PPM1H: variants seen among roughly 807,000 people sequenced by gnomAD.
PPM1H encodes the protein protein phosphatase, Mg2+/Mn2+ dependent 1H.
PPM1H carries 27 observed loss-of-function variants against 54.9 expected under a neutral mutation model. The observed-to-expected ratio is 0.49, with a 90% CI of 0.36 to 0.68. The LOEUF is 0.68. Ranked by LOEUF, PPM1H falls within the 30% of genes least tolerant of loss-of-function variation. The pLI, the probability that PPM1H is intolerant of heterozygous loss-of-function variation, is 0.00. For missense variants in PPM1H, 596 were observed against 667.8 expected (o/e 0.89, Z 1.19); for synonymous variants, 305 against 270.8 (o/e 1.13, Z -1.24).
chr12:62,732,265 C>A (rs2076325650), intron 5 of PPM1H, among the ~76,000 whole-genome samples: 1 of 152,142 alleles, frequency 6.6e-6, no homozygotes, highest in Non-Finnish European at 1.5e-5. Flanking sequence ...TTCACATTAC[C>A]CAGAGAGCCA....
intron 2 of PPM1H, among the ~76,000 whole-genome samples, chr12:62,831,298 A>G (rs1868353545): frequency 1.3e-5 from 2 of 152,322 alleles, no homozygotes; most frequent in African/African-American, 2.4e-5. Context: ...TGATTTTCCC[A>G]GGAAACATCT....
At chr12:62,858,927 A>G (rs973158118) in intron 1 of PPM1H, among the ~76,000 whole-genome samples, 1 of 152,208 alleles carries the variant, frequency 6.6e-6, no homozygotes, top group South Asian at 2.1e-4. Context: ...AATACAACCT[A>G]AAACCCATTT....
rs1161094944 is a variant in PPM1H, at chr12:62,669,969, C to CTTTTTTTTTTTTTTTTTTTT, written c.1246-2660_1246-2641dup. Reference sequence around the variant, plus strand: ...AAAATAGTGTTTAGAGGATTGATTCCTTTTTTTTTTTTTTTTTTTTTTTTT... The same window carrying CTTTTTTTTTTTTTTTTTTTT: ...AAAATAGTGTTTAGAGGATTGATTCCTTTTTTTTTTTTTTTTTTTTTTTTTTTTTTTTTTTTTTTTTTTTT... On this transcript the variant is annotated intron_variant, in intron 8 of 9. Coordinates refer to ENST00000228705, the MANE Select transcript of PPM1H (RefSeq NM_020700.2). 1.5e-4 allele frequency among the ~76,000 whole-genome samples: 7 copies of CTTTTTTTTTTTTTTTTTTTT among 46,422 alleles called. 2 individuals carry two copies. Among genetic ancestry groups the CTTTTTTTTTTTTTTTTTTTT allele is most frequent in the African/African-American group, 8.0e-4 (7 of 8,774 alleles). The allele number at this position is 46,422 out of a possible 152,430, so 30.5% of individuals were successfully genotyped here.
At chr12:62,852,900 A>T (rs1869248721) in intron 1 of PPM1H, among the ~76,000 whole-genome samples, 2 of 152,264 alleles carry the variant, frequency 1.3e-5, no homozygotes, top group South Asian at 2.1e-4. Flanking sequence ...TCCCAATCTA[A>T]CTAAGCCTTT....
intron 9 of PPM1H, among the ~76,000 whole-genome samples, chr12:62,653,580 C>T (rs1247189356): frequency 4.6e-5 from 7 of 152,060 alleles, no homozygotes; most frequent in South Asian, 2.1e-4. Context: ...TTTGAGGGCC[C>T]GGAGGGAAGG....
chr12:62,914,879 C>A (rs1286126031), intron 1 of PPM1H, among the ~76,000 whole-genome samples: 1 of 152,172 alleles, frequency 6.6e-6, no homozygotes, highest in Admixed American at 6.5e-5. Context: ...CCCAAACAGT[C>A]CCACAATCTA....
chr12:62,755,680 A>T lies in PPM1H; in HGVS notation c.870-18094T>A. 3 of 668,096 alleles carry T rather than the reference A, an allele frequency of 4.5e-6. No individual in the cohort carries two copies. The South Asian group carries it at 5.0e-5, about 11-fold the overall frequency. 41.4% of individuals were successfully genotyped at this position (668,096 alleles called of 1,614,324 possible). On this transcript the variant is annotated intron_variant, in intron 4 of 9. Coordinates refer to ENST00000228705, the MANE Select transcript of PPM1H (RefSeq NM_020700.2). ...TCAAGATCATCAGCATGCCTCCTGT[A>T]TCACCAACTGCTTAGTGCCTCTGGC...
chr12:62,917,511 G>A (rs1405437281), intron 1 of PPM1H, among the ~76,000 whole-genome samples: 2 of 152,074 alleles, frequency 1.3e-5, no homozygotes, highest in African/African-American at 4.8e-5. Context: ...TCTCAAAATG[G>A]ACATTCCAAA....
chr12:62,797,307 G>T (rs915655077), intron 3 of PPM1H, among the ~76,000 whole-genome samples: 3 of 152,180 alleles, frequency 2.0e-5, no homozygotes, highest in African/African-American at 7.2e-5. Flanking sequence ...TAGGTGCAAG[G>T]CTTGGGGAAC....
intron 1 of PPM1H, among the ~76,000 whole-genome samples, chr12:62,918,067 G>A (rs1242131130): frequency 6.6e-6 from 1 of 152,154 alleles, no homozygotes; most frequent in Non-Finnish European, 1.5e-5. Context: ...CTTCTCTTAT[G>A]ACACTTACTC....
chr12:62,851,155 C>A (rs1869172175), intron 1 of PPM1H, among the ~76,000 whole-genome samples: 1 of 152,044 alleles, frequency 6.6e-6, no homozygotes, highest in African/African-American at 2.4e-5. Flanking sequence ...TGAAAGAAAC[C>A]AGCGTTTCTT....
At chr12:62,884,501 C>CAAAAAAAAAAAA (rs6144736) in intron 1 of PPM1H, among the ~76,000 whole-genome samples, 1 of 89,966 alleles carries the variant, frequency 1.1e-5, no homozygotes, top group African/African-American at 4.0e-5. Context: ...AACTCCATAT[C>CAAAAAAAAAAAA]AAAAAAAAAA....
chr12:62,707,453 C>T (rs2076182170), intron 6 of PPM1H, among the ~76,000 whole-genome samples: 2 of 152,172 alleles, frequency 1.3e-5, no homozygotes, highest in African/African-American at 4.8e-5. Flanking sequence ...CTTTGACAGC[C>T]CAGGCTGCCC....
chr12:62,659,914 C>T (rs2075873563), intron 9 of PPM1H, among the ~76,000 whole-genome samples: 1 of 152,192 alleles, frequency 6.6e-6, no homozygotes, highest in Admixed American at 6.5e-5. Flanking sequence ...AGGCTGACCT[C>T]CTTTGGTCAG....
chr12:62,665,309 A>G (rs1006960046), intron 9 of PPM1H, among the ~76,000 whole-genome samples: 4 of 152,172 alleles, frequency 2.6e-5, no homozygotes, highest in Non-Finnish European at 5.9e-5. Flanking sequence ...TCCACCTCCC[A>G]AAGTGCTGGG....
intron 5 of PPM1H, among the ~76,000 whole-genome samples, chr12:62,724,216 T>G (rs948717011): frequency 6.6e-6 from 1 of 152,230 alleles, no homozygotes; most frequent in Non-Finnish European, 1.5e-5. Context: ...TGAAGACATC[T>G]ATGTGACATA....
At chr12:62,922,677 A>G (rs1409038297) in intron 1 of PPM1H, among the ~76,000 whole-genome samples, 1 of 152,200 alleles carries the variant, frequency 6.6e-6, no homozygotes, top group Non-Finnish European at 1.5e-5. Flanking sequence ...AGGAAGCACT[A>G]TGGATTCATG....
At chr12:62,886,088 T>C (rs534705078) in intron 1 of PPM1H, among the ~76,000 whole-genome samples, 1 of 152,344 alleles carries the variant, frequency 6.6e-6, no homozygotes, top group South Asian at 2.1e-4. Flanking sequence ...CAGTCAATAT[T>C]TTTTCAAGTA....
intron 3 of PPM1H, among the ~76,000 whole-genome samples, chr12:62,798,966 C>T (rs2076751241): frequency 6.6e-6 from 1 of 152,174 alleles, no homozygotes; most frequent in Admixed American, 6.5e-5. Flanking sequence ...CTCAAGGCTC[C>T]TCCCATTTAT....
Sources: allele counts gnomAD v4.1 joint callset (sites outside exome capture counted in the v4.1 genomes callset), GRCh38; gene constraint gnomAD v4.1.1; transcripts MANE v1.5; gene names NCBI Gene and HGNC (gene_info 2026-07-23, HGNC 2026-07-21).